Variants in MAP3K19 observed in about 807,000 individuals in gnomAD.
MAP3K19 encodes mitogen-activated protein kinase kinase kinase 19.
Under a neutral mutation model 114.4 loss-of-function variants are expected in MAP3K19, and 91 were observed. The ratio of observed to expected loss-of-function variants is 0.80; its 90% CI spans 0.67 to 0.95. The LOEUF is 0.95. Ranked by LOEUF, MAP3K19 falls within the 40% of genes least tolerant of loss-of-function variation. The probability of loss-of-function intolerance (pLI) is 0.00; values close to 1 mark genes in which losing one functional copy is unlikely to be tolerated. For missense variants in MAP3K19, 1,471 were observed against 1,573.2 expected (o/e 0.94, Z 1.10); for synonymous variants, 518 against 530.5 (o/e 0.98, Z 0.32).
intron 11 of MAP3K19, chr2:134,983,140 A>G: frequency 3.8e-6 from 2 of 521,754 alleles, no homozygotes; most frequent in Non-Finnish European, 7.9e-6. Flanking sequence ...ATCAAACACT[A>G]GAACTTATTT....
Position 134,986,591 on chromosome 2 carries a change from C to T in MAP3K19, c.2281G>A (p.Gly761Ser). The T allele has an allele frequency of 6.2e-7, 1 of 1,614,164 alleles. No individual in the cohort carries two copies. The highest frequency in any genetic ancestry group is 8.5e-7 in the Non-Finnish European group (1 of 1,180,036). ...ATCTGCCAGTCTGGTTCTGAAATAC[C>T]ATCACCATTTTCAATGTCATGTAGG... Reference protein sequence around the residue: ...SNLHDIENGDGISEPDWQIKS... With the variant: ...SNLHDIENGDSISEPDWQIKS... The change falls in exon 10 of 13, where the codon GGT (glycine) becomes AGT (serine). Residue 761 changes from glycine to serine, a missense_variant. Gly to Ser is a moderately conservative substitution (Grantham distance 56, BLOSUM62 0). Transcript: ENST00000392915.
At chr2:135,020,130 G>C (rs928058527) in intron 5 of MAP3K19, among the ~76,000 whole-genome samples, 1 of 152,036 alleles carries the variant, frequency 6.6e-6, no homozygotes, top group Admixed American at 6.6e-5. Context: ...CGATCCTCCT[G>C]CCTCAGCCTC....
At chr2:134,989,176 T>C (rs1685383033) in intron 9 of MAP3K19, among the ~76,000 whole-genome samples, 1 of 152,232 alleles carries the variant, frequency 6.6e-6, no homozygotes, top group Non-Finnish European at 1.5e-5. Flanking sequence ...AGCTAGTTTT[T>C]ATTATCATCC....
intron 4 of MAP3K19, among the ~76,000 whole-genome samples, chr2:135,022,829 G>A (rs1168483519): frequency 1.3e-5 from 2 of 152,180 alleles, no homozygotes. Flanking sequence ...CTAATGATAA[G>A]CTGGAAATCA....
intron 4 of MAP3K19, 151 bp downstream of exon 4, chr2:135,024,475 T>G: frequency 1.4e-6 from 1 of 729,332 alleles, no homozygotes; most frequent in East Asian, 2.5e-5. Context: ...CCAGAGCACC[T>G]AGTCGTGGGC....
chr2:134,965,220 C>T (rs2105115417), intron 12 of MAP3K19, among the ~76,000 whole-genome samples: 1 of 152,306 alleles, frequency 6.6e-6, no homozygotes, highest in East Asian at 1.9e-4. Flanking sequence ...TGATTGAAAA[C>T]TAGGCCCTAC....
chr2:134,968,634 G>GAT (rs1683601363), intron 12 of MAP3K19, among the ~76,000 whole-genome samples: 1 of 150,258 alleles, frequency 6.7e-6, no homozygotes, highest in African/African-American at 2.5e-5. Context: ...CTTCTCAGAC[G>GAT]GGGCGGCCGG....
intron 5 of MAP3K19, among the ~76,000 whole-genome samples, chr2:135,019,493 A>T (rs1574034740): frequency 6.6e-6 from 1 of 152,204 alleles, no homozygotes; most frequent in Admixed American, 6.5e-5. Flanking sequence ...AGTTCAAAAA[A>T]TTTTTTAAAT....
At chr2:134,966,234 G>T (rs951414053) in intron 12 of MAP3K19, among the ~76,000 whole-genome samples, 1 of 152,116 alleles carries the variant, frequency 6.6e-6, no homozygotes, top group Admixed American at 6.6e-5. Context: ...CTTTCCTTTG[G>T]ATAAATACTC....
intron 6 of MAP3K19, among the ~76,000 whole-genome samples, 162 bp downstream of exon 6, chr2:135,005,273 T>C (rs373499338): frequency 6.6e-6 from 1 of 152,148 alleles, no homozygotes; most frequent in South Asian, 2.1e-4. Flanking sequence ...CTAGTACCCA[T>C]TAATTATTTT....
chr2:134,996,271 C>CTTTT (rs61265758), intron 8 of MAP3K19, among the ~76,000 whole-genome samples: 9 of 125,800 alleles, frequency 7.2e-5, no homozygotes, highest in African/African-American at 8.9e-5. Flanking sequence ...CTTCTTATTT[C>CTTTT]TTTTTTTTTT....
intron 11 of MAP3K19, 68 bp downstream of exon 11, chr2:134,983,608 G>A: frequency 1.8e-6 from 2 of 1,134,492 alleles, no homozygotes; most frequent in South Asian, 1.7e-5. Context: ...CTGGGGGAGT[G>A]GGAGGGGTGG....
intron 12 of MAP3K19, among the ~76,000 whole-genome samples, chr2:134,967,565 T>C (rs1683453115): frequency 6.6e-6 from 1 of 152,226 alleles, no homozygotes; most frequent in South Asian, 2.1e-4. Context: ...ACTGAGATGT[T>C]TGGGTGGAGA....
intron 5 of MAP3K19, among the ~76,000 whole-genome samples, chr2:135,019,115 T>C (rs779846432): frequency 6.6e-6 from 1 of 151,986 alleles, no homozygotes; most frequent in African/African-American, 2.4e-5. Context: ...AATTGGATTA[T>C]GACTCTAAAT....
At position 134,984,747 on chromosome 2, in the gene MAP3K19, T is replaced by C. The variant is rs553770419; in HGVS notation, c.3073-922A>G. Among the ~76,000 whole-genome samples the C allele has an allele frequency of 1.1e-4, 16 of 152,214 alleles. No homozygotes were observed. In the South Asian group the frequency reaches 3.3e-3, roughly 32 times the overall value. On this transcript the variant is annotated intron_variant, in intron 10 of 12. Coordinates refer to ENST00000392915, the MANE Select transcript of MAP3K19 (RefSeq NM_025052.5). The stretch of plus-strand genomic sequence containing the variant: ...GAAGGTGGATCGCGAGGTCAGGAGT[T>C]CCAAGACCAGCCTGGCCAAGATGGT...
At chr2:134,997,946 C>CT (rs1686141718) in intron 8 of MAP3K19, among the ~76,000 whole-genome samples, 1 of 152,014 alleles carries the variant, frequency 6.6e-6, no homozygotes, top group Non-Finnish European at 1.5e-5. Flanking sequence ...CACTGGCATG[C>CT]AGTCTCCCTC....
chr2:134,999,128 G>T lies in MAP3K19; in HGVS notation c.315-131C>A. On this transcript the variant is annotated intron_variant, in intron 7 of 12. Coordinates refer to ENST00000392915, the MANE Select transcript of MAP3K19 (RefSeq NM_025052.5). The surrounding 1 kb of genome is among the most constrained non-coding windows in gnomAD (Gnocchi z 4.1). ...CCAAATGGTGCTGCTGAAAGGAAAG[G>T]CTGAATCCTGAGAGGGTAAGACATC... The T allele has an allele frequency of 9.3e-7, 1 of 1,073,354 alleles. No individual in the cohort carries two copies. Among genetic ancestry groups the T allele is most frequent in the Non-Finnish European group, 1.3e-6 (1 of 745,184 alleles). 66.5% of individuals were successfully genotyped at this position (1,073,354 alleles called of 1,614,324 possible). A position where few individuals can be genotyped will look rare whatever the true frequency, so the allele number is the denominator to read the frequency against.
rs764559733 is a variant in MAP3K19 at position 135,042,635 on chromosome 2, TGG to T, written c.-423-2135_-423-2134del. On this transcript the variant is annotated intron_variant, in intron 1 of 12. Coordinates refer to ENST00000392915, the MANE Select transcript of MAP3K19 (RefSeq NM_025052.5). ...ACAGGCATGAACTCAGGCCTCTATC[TGG>T]GGCCGAGGAGGAGAGAGTAAAACCA... Among the ~76,000 whole-genome samples, 17 of 152,224 alleles carry T rather than the reference TGG, an allele frequency of 1.1e-4. No individual in the cohort carries two copies. In the East Asian group the frequency reaches 3.1e-3, roughly 28 times the overall value.
chr2:134,980,634 A>G (rs1684565256), intron 12 of MAP3K19, 187 bp downstream of exon 12: 1 of 602,952 alleles, frequency 1.7e-6, no homozygotes, highest in Non-Finnish European at 2.9e-6. Flanking sequence ...TGCCTCCTAT[A>G]CCCTGATACA....
Sources: gnomAD v4.1 joint callset for allele counts (sites outside exome capture counted in the v4.1 genomes callset) on GRCh38, gnomAD v4.1.1 for gene constraint, Gnocchi (gnomAD v3.1) non-coding constraint, MANE v1.5 for transcripts, NCBI Gene and HGNC (gene_info 2026-07-23, HGNC 2026-07-21) for gene names.